Variants in FFAR3 observed in about 807,000 individuals in gnomAD.
FFAR3 encodes G-protein coupled receptor 41.
For missense variants in FFAR3, 136 were observed against 446.5 expected, an observed-to-expected ratio of 0.30 and a Z score of 6.27; for synonymous variants, 68 against 201.1, an observed-to-expected ratio of 0.34 and a Z score of 5.60.
At chr19:35,358,275 G>A (rs1192849778), upstream of FFAR3, among the ~76,000 whole-genome samples, 1 of 152,172 alleles carries the variant, frequency 6.6e-6, no homozygotes, top group Non-Finnish European at 1.5e-5. Flanking sequence ...CAGACCTCAC[G>A]GAGCTCGCTC....
chr19:35,359,058 C>T lies in FFAR3; in HGVS notation c.168C>T (p.Asn56=), dbSNP rs578021833. 12 of 1,611,838 alleles carry T rather than the reference C, an allele frequency of 7.4e-6. No individual in the cohort carries two copies. The East Asian group carries it at 2.5e-4, about 33-fold the overall frequency. ...RPVAVDVLLL[N]LTASDLLLLL... Reference sequence around the variant, plus strand: ...TGGCCGTGGACGTGCTCCTGCTCAACCTGACCGCCTCGGACCTGCTCCTGC... The same window carrying T: ...TGGCCGTGGACGTGCTCCTGCTCAATCTGACCGCCTCGGACCTGCTCCTGC... The change falls in exon 2 of 2, where the codon AAC becomes AAT. Residue 56 remains asparagine, a synonymous_variant. Coordinates refer to ENST00000327809, the MANE Select transcript of FFAR3 (RefSeq NM_005304.5).
rs962803434 is a variant in FFAR3 at position 35,358,468 on chromosome 19, A to T, written c.-193A>T. The T allele has an allele frequency of 5.1e-5, 58 of 1,128,058 alleles. No homozygotes were observed. The highest frequency in any genetic ancestry group is 3.5e-4 in the South Asian group (15 of 42,274). The allele number at this position is 1,128,058 out of a possible 1,614,324, so 69.9% of individuals were successfully genotyped here. A position where few individuals can be genotyped will look rare whatever the true frequency, so the allele number is the denominator to read the frequency against. On this transcript the variant is annotated 5_prime_UTR_variant, in exon 1 of 2. Transcript: ENST00000327809. ...CAGTTGTGGAATTTGTTCCCCTTTT[A>T]GCATGCTGACCAGCCCTGGCAACGG...
chr19:35,358,440 A>T, upstream of FFAR3: 4 of 1,102,270 alleles, frequency 3.6e-6, no homozygotes, highest in Non-Finnish European at 4.4e-6. Flanking sequence ...GGAGGGAGGC[A>T]CGCAGTTGTG....
chr19:35,358,458 T>C, upstream of FFAR3: 1 of 1,114,140 alleles, frequency 9.0e-7, no homozygotes, highest in South Asian at 2.5e-5. Flanking sequence ...GTGGAATTTG[T>C]TCCCCTTTTA....
rs1400034820 is a variant in FFAR3 at position 35,358,463 on chromosome 19, C to T, written c.-198C>T. On this transcript the variant is annotated 5_prime_UTR_variant, in exon 1 of 2. Transcript: ENST00000327809. ...GCACGCAGTTGTGGAATTTGTTCCC[C>T]TTTTAGCATGCTGACCAGCCCTGGC... 1.2e-5 allele frequency: 13 copies of T among 1,128,246 alleles called. No individual in the cohort carries two copies. Among genetic ancestry groups the T allele is most frequent in the Middle Eastern group, 4.0e-4 (1 of 2,506 alleles). 69.9% of individuals were successfully genotyped at this position (1,128,246 alleles called of 1,614,324 possible).
At position 35,358,545 on chromosome 19, in the gene FFAR3, C is replaced by A; in HGVS notation, c.-116C>A. ...TCAACAGTGAGTGACGTCATGGGCA[C>A]GGCCAGGTCTTTATCAGTTCTGCCG... On this transcript the variant is annotated 5_prime_UTR_variant, in exon 1 of 2. Coordinates refer to ENST00000327809, the MANE Select transcript of FFAR3 (RefSeq NM_005304.5). 1 of 1,285,202 alleles carries A rather than the reference C, an allele frequency of 7.8e-7. No homozygotes were observed. The highest frequency in any genetic ancestry group is 9.9e-7 in the Non-Finnish European group (1 of 1,005,556). 79.6% of individuals were successfully genotyped at this position (1,285,202 alleles called of 1,614,324 possible).
In FFAR3 at chr19:35,359,366, T is replaced by A. The variant is rs770340784; in HGVS notation, c.476T>A (p.Ile159Asn). Residue 159 changes from isoleucine to asparagine, a missense_variant, in exon 2 of 2, where the codon ATC becomes AAC. Transcript: ENST00000327809. ...TACGTCATAGAATTCTCAGGGGACA[T>A]CTCCCACAGCCAGGGCACCAATGGG... is the stretch of plus-strand genomic sequence containing the variant. ...VVYVIEFSGD[I>N]SHSQGTNGTC... 2.4e-5 allele frequency: 39 copies of A among 1,613,758 alleles called. 1 individual carries two copies. In the South Asian group the frequency reaches 4.1e-4, roughly 17 times the overall value.
Position 35,359,976 on chromosome 19 carries a change from C to T in FFAR3, c.*45C>T, listed in dbSNP as rs1055199587. On this transcript the variant is annotated 3_prime_UTR_variant, in exon 2 of 2. Coordinates refer to ENST00000327809, the MANE Select transcript of FFAR3 (RefSeq NM_005304.5). ...TGTAGCTGGCATGTCATCCTCAGGG[C>T]GCTTCCTCGCTCACGCCAGGAGGGA... 2.1e-5 allele frequency: 20 copies of T among 952,362 alleles called. No homozygotes were observed. Among genetic ancestry groups the T allele is most frequent in the East Asian group, 1.9e-4 (7 of 37,076 alleles). The allele number at this position is 952,362 out of a possible 1,614,324, so 59.0% of individuals were successfully genotyped here.
Position 35,358,910 on chromosome 19 carries a change from A to C in FFAR3, c.20A>C (p.Gln7Pro). 6.3e-7 allele frequency: 1 copy of C among 1,590,894 alleles called. No individual in the cohort carries two copies. The highest frequency in any genetic ancestry group is 8.6e-7 in the Non-Finnish European group (1 of 1,165,166). The change falls in exon 2 of 2, where the codon CAG becomes CCG. Residue 7 changes from glutamine to proline, a missense_variant. Coordinates refer to ENST00000327809, the MANE Select transcript of FFAR3 (RefSeq NM_005304.5). Reference protein sequence around the residue: MDTGPDQSYFSGNHWFV... With the variant: MDTGPDPSYFSGNHWFV... ...ACCACCATGGATACAGGCCCCGACC[A>C]GTCCTACTTCTCCGGCAATCACTGG...
In FFAR3 at chr19:35,358,928, A is replaced by G. The variant is rs753309549; in HGVS notation, c.38A>G (p.Asn13Ser). Residue 13 changes from asparagine to serine, a missense_variant, in exon 2 of 2, where the codon AAT becomes AGT. Asn to Ser is a conservative substitution (Grantham distance 46). Coordinates refer to ENST00000327809, the MANE Select transcript of FFAR3 (RefSeq NM_005304.5). Reference protein sequence around the residue: ...TGPDQSYFSGNHWFVFSVYLL... With the variant: ...TGPDQSYFSGSHWFVFSVYLL... ...CCCGACCAGTCCTACTTCTCCGGCA[A>G]TCACTGGTTCGTCTTCTCGGTGTAC... 1.8e-5 allele frequency: 28 copies of G among 1,599,458 alleles called. No individual in the cohort carries two copies. The highest frequency in any genetic ancestry group is 2.4e-5 in the Non-Finnish European group (28 of 1,170,002).
rs1393352037 is a variant in FFAR3, at chr19:35,358,886, C to T, written c.-5C>T. 1.9e-6 allele frequency: 3 copies of T among 1,576,312 alleles called. No homozygotes were observed. Among genetic ancestry groups the T allele is most frequent in the African/African-American group, 1.4e-5 (1 of 71,364 alleles). Reference sequence around the variant, plus strand: ...TGTTACTCTCTCTCACCAGTGGCCACCACCATGGATACAGGCCCCGACCAG... The same window carrying T: ...TGTTACTCTCTCTCACCAGTGGCCATCACCATGGATACAGGCCCCGACCAG... On this transcript the variant is annotated 5_prime_UTR_variant, in exon 2 of 2. Transcript: ENST00000327809.
In FFAR3 at chr19:35,359,557, G is replaced by A. The variant is rs150502245; in HGVS notation, c.667G>A (p.Val223Met). 1.9e-6 allele frequency: 3 copies of A among 1,613,912 alleles called. No individual in the cohort carries two copies. Among genetic ancestry groups the A allele is most frequent in the East Asian group, 4.5e-5 (2 of 44,908 alleles). The change falls in exon 2 of 2, where the codon GTG becomes ATG. Residue 223 changes from valine to methionine, a missense_variant. Val to Met is a conservative substitution (Grantham distance 21). Transcript: ENST00000327809. ...RGGSHRRQRR[V>M]AGLLAATLLN... is the part of the protein sequence containing the mutation. ...GGGCAGCCACCGCCGGCAGAGGAGG[G>A]TGGCGGGGCTGTTGGCGGCCACGCT...
In FFAR3 at chr19:35,359,036, C is replaced by G. The variant is rs368240354; in HGVS notation, c.146C>G (p.Ala49Gly). The change falls in exon 2 of 2, where the codon GCC becomes GGC. Residue 49 changes from alanine (A) to glycine (G), a missense_variant. Ala to Gly is a moderately conservative substitution (Grantham distance 60). Transcript: ENST00000327809. ...FVGKLQRRPV[A>G]VDVLLLNLTA... ...GGCAAGCTGCAGCGCCGCCCGGTGGCCGTGGACGTGCTCCTGCTCAACCTG... is the reference window on the plus strand; with the variant it reads ...GGCAAGCTGCAGCGCCGCCCGGTGGGCGTGGACGTGCTCCTGCTCAACCTG... The G allele has an allele frequency of 6.2e-6, 10 of 1,611,650 alleles. No homozygotes were observed. The highest frequency in any genetic ancestry group is 4.0e-5 in the African/African-American group (3 of 74,722).
At position 35,358,526 on chromosome 19, in the gene FFAR3, G is replaced by C; in HGVS notation, c.-135G>C. The C allele has an allele frequency of 7.9e-7, 1 of 1,265,636 alleles. No homozygotes were observed. The highest frequency in any genetic ancestry group is 1.6e-5 in the South Asian group (1 of 61,388). 78.4% of individuals were successfully genotyped at this position (1,265,636 alleles called of 1,614,324 possible). On this transcript the variant is annotated 5_prime_UTR_variant, in exon 1 of 2. Transcript: ENST00000327809. ...GGCATCTATGTGCCACTGCTCAACA[G>C]TGAGTGACGTCATGGGCACGGCCAG...
At position 35,359,434 on chromosome 19, in the gene FFAR3, C is replaced by A. The variant is rs373334949; in HGVS notation, c.544C>A (p.Leu182Met). Residue 182 changes from leucine to methionine, a missense_variant, in exon 2 of 2, where the codon CTG becomes ATG. Physicochemically the swap from Leu to Met is conservative, Grantham distance 15 (BLOSUM62 2). Coordinates refer to ENST00000327809, the MANE Select transcript of FFAR3 (RefSeq NM_005304.5). ...CCGGAAGGACCAGCTAGCCATCCTC[C>A]TGCCCGTGCGGCTGGAGATGGCTGT... The part of the protein sequence containing the change: ...EFRKDQLAIL[L>M]PVRLEMAVVL... 1.9e-6 allele frequency: 3 copies of A among 1,613,862 alleles called. No homozygotes were observed. Among genetic ancestry groups the A allele is most frequent in the Non-Finnish European group, 2.5e-6 (3 of 1,179,858 alleles).
upstream of FFAR3, chr19:35,358,417 T>C: frequency 2.8e-6 from 3 of 1,079,752 alleles, no homozygotes; most frequent in Non-Finnish European, 3.4e-6. Context: ...GCATCCCAGC[T>C]GAGACTGCAT....
Position 35,359,701 on chromosome 19 carries a change from G to A in FFAR3, c.811G>A (p.Val271Ile). The change falls in exon 2 of 2, where the codon GTC (valine) becomes ATC (isoleucine). Residue 271 changes from valine to isoleucine, a missense_variant. Coordinates refer to ENST00000327809, the MANE Select transcript of FFAR3 (RefSeq NM_005304.5). ...VTLLSTLNSC[V>I]DPFVYYFSSS... ...GCTTCTCAGCACCCTGAACTCCTGT[G>A]TCGACCCCTTTGTCTACTACTTCTC... is the stretch of plus-strand genomic sequence containing the variant. 1 of 1,614,032 alleles carries A rather than the reference G, an allele frequency of 6.2e-7. No individual in the cohort carries two copies. Among genetic ancestry groups the A allele is most frequent in the Non-Finnish European group, 8.5e-7 (1 of 1,179,868 alleles).
In FFAR3 at chr19:35,360,238, G is replaced by A. The variant is rs2066988182; in HGVS notation, c.*307G>A. On this transcript the variant is annotated 3_prime_UTR_variant, in exon 2 of 2. Transcript: ENST00000327809. ...CTTGAGGGTGGCAGAGGAGCTAAGAGCAGTGCCCAGGGTCTGAGGGGGCTG... is the reference window on the plus strand; with the variant it reads ...CTTGAGGGTGGCAGAGGAGCTAAGAACAGTGCCCAGGGTCTGAGGGGGCTG... 1.9e-5 allele frequency: 10 copies of A among 518,638 alleles called. No individual in the cohort carries two copies. Among genetic ancestry groups the A allele is most frequent in the South Asian group, 1.7e-4 (8 of 48,368 alleles). The allele number at this position is 518,638 out of a possible 1,614,324, so 32.1% of individuals were successfully genotyped here.
Position 35,359,071 on chromosome 19 carries a change from G to A in FFAR3, c.181G>A (p.Asp61Asn), listed in dbSNP as rs139036566. 1.4e-5 allele frequency: 22 copies of A among 1,611,684 alleles called. No individual in the cohort carries two copies. Among genetic ancestry groups the A allele is most frequent in the Non-Finnish European group, 1.8e-5 (21 of 1,178,380 alleles). ...DVLLLNLTAS[D>N]LLLLLFLPFR... is the part of the protein sequence containing the mutation. ...GCTCCTGCTCAACCTGACCGCCTCG[G>A]ACCTGCTCCTGCTGCTGTTCCTGCC... is the stretch of plus-strand genomic sequence containing the variant. Residue 61 changes from aspartate (D) to asparagine (N), a missense_variant, in exon 2 of 2, where the codon GAC (aspartate) becomes AAC (asparagine). Asp to Asn is a conservative substitution (Grantham distance 23). Transcript: ENST00000327809.
Sources: allele counts gnomAD v4.1 joint callset (sites outside exome capture counted in the v4.1 genomes callset), GRCh38; gene constraint gnomAD v4.1.1; transcripts MANE v1.5; gene names NCBI Gene and HGNC (gene_info 2026-07-23, HGNC 2026-07-21).